TMED9: variants seen among roughly 807,000 people sequenced by gnomAD.
TMED9 encodes transmembrane emp24 domain-containing protein 9.
In TMED9, 22 loss-of-function variants were observed where a neutral mutation model predicts 30.6. The ratio of observed to expected loss-of-function variants is 0.72; its 90% CI spans 0.51 to 1.03. The LOEUF is 1.03. Among genes scored for constraint, TMED9 ranks in the 50% least tolerant of loss-of-function variants. The pLI is 0.00. For synonymous variants in TMED9, 146 were observed against 122.8 expected (o/e 1.19, Z -1.25); for missense variants, 251 against 302.1 (o/e 0.83, Z 1.25).
chr5:177,593,563 T>C, intron 2 of TMED9, 87 bp from the exon 3 acceptor site: 2 of 1,538,346 alleles, frequency 1.3e-6, no homozygotes, highest in Non-Finnish European at 1.8e-6. Context: ...GCCTGTCAAC[T>C]TTTGCAGTAC....
rs550488659 is a variant in TMED9 at position 177,595,132 on chromosome 5, C to T, written c.559-135C>T. Reference sequence around the variant, plus strand: ...GTTGCCTGAGGGTAAAGATAGTCCCCAGGTAGAGTGACACTTTGCAGGCAC... The same window carrying T: ...GTTGCCTGAGGGTAAAGATAGTCCCTAGGTAGAGTGACACTTTGCAGGCAC... On this transcript the variant is annotated intron_variant, in intron 4 of 4. Transcript: ENST00000332598. The T allele has an allele frequency of 9.1e-5, 83 of 910,320 alleles. No homozygotes were observed. The Middle Eastern group carries it at 1.4e-3, about 16-fold the overall frequency. 56.4% of individuals were successfully genotyped at this position (910,320 alleles called of 1,614,324 possible).
At chr5:177,593,465 C>A (rs1314188936) in intron 2 of TMED9, 185 bp from the exon 3 acceptor site, 1 of 673,034 alleles carries the variant, frequency 1.5e-6, no homozygotes, top group African/African-American at 1.8e-5. Flanking sequence ...AGTCTAAACA[C>A]CTGCCCCAGA....
At chr5:177,593,811 C>G (rs1276410567) in intron 3 of TMED9, 36 bp downstream of exon 3, 1 of 1,612,180 alleles carries the variant, frequency 6.2e-7, no homozygotes, top group Admixed American at 1.7e-5. Context: ...AGGTTTCAGC[C>G]TTCATCCTTT....
intron 4 of TMED9, 61 bp from the exon 5 acceptor site, chr5:177,595,206 C>A: frequency 6.8e-7 from 1 of 1,461,178 alleles, no homozygotes; most frequent in South Asian, 1.4e-5. Flanking sequence ...TCCTCTTGGT[C>A]TGGGAATCAG....
intron 2 of TMED9, chr5:177,593,415 G>A (rs959273531): frequency 2.8e-5 from 14 of 494,090 alleles, no homozygotes; most frequent in Non-Finnish European, 4.7e-5. Flanking sequence ...CCCTTCCCAA[G>A]AGCAGTCAGT....
Position 177,597,077 on chromosome 5 carries a change from A to G in TMED9, c.*1661A>G, listed in dbSNP as rs929349389. On this transcript the variant is annotated 3_prime_UTR_variant, in exon 5 of 5. Coordinates refer to ENST00000332598, the MANE Select transcript of TMED9 (RefSeq NM_017510.6). ...CTGCTTCCCCTAATGGGATGATGCA[A>G]TCTGGGCTCATGCTGCCAACTAATT... 6.6e-6 allele frequency among the ~76,000 whole-genome samples: 1 copy of G among 151,738 alleles called. No homozygotes were observed. The highest frequency in any genetic ancestry group is 2.4e-5 in the African/African-American group (1 of 41,252).
chr5:177,595,507 C>T lies in TMED9; in HGVS notation c.*91C>T. The stretch of plus-strand genomic sequence containing the variant: ...TTCTGTCAGGAGGACTGGTTTCCAG[C>T]CATACCTGTTCTGGAAGGGAGAGGG... On this transcript the variant is annotated 3_prime_UTR_variant, in exon 5 of 5. Transcript: ENST00000332598. 8 of 1,472,096 alleles carry T rather than the reference C, an allele frequency of 5.4e-6. No individual in the cohort carries two copies. The South Asian group carries it at 6.6e-5, about 12-fold the overall frequency. The allele number at this position is 1,472,096 out of a possible 1,614,324, so 91.2% of individuals were successfully genotyped here.
chr5:177,592,554 G>A (rs1273879942), intron 1 of TMED9, 21 bp from the exon 2 acceptor site: 1 of 1,605,220 alleles, frequency 6.2e-7, no homozygotes, highest in South Asian at 1.1e-5. Context: ...TCTGACCTGG[G>A]CTCGCCCTGC....
rs987356958 is a variant in TMED9 at position 177,594,229 on chromosome 5, G to A, written c.502G>A (p.Val168Met). Residue 168 changes from valine to methionine, a missense_variant, in exon 4 of 5, where the codon GTG becomes ATG. Val to Met is a conservative substitution (Grantham distance 21). Coordinates refer to ENST00000332598, the MANE Select transcript of TMED9 (RefSeq NM_017510.6). ...CAAGTTGAGTGAGTTGCAGCTACGA[G>A]TGCGACAGCTGGTGGAACAAGTGGA... Reference protein sequence around the residue: ...KDKLSELQLRVRQLVEQVEQI... With the variant: ...KDKLSELQLRMRQLVEQVEQI... 3 of 1,614,098 alleles carry A rather than the reference G, an allele frequency of 1.9e-6. No homozygotes were observed. Among genetic ancestry groups the A allele is most frequent in the African/African-American group, 1.3e-5 (1 of 74,934 alleles).
chr5:177,595,535 T>C lies in TMED9; in HGVS notation c.*119T>C, dbSNP rs747432853. On this transcript the variant is annotated 3_prime_UTR_variant, in exon 5 of 5. Transcript: ENST00000332598. ...TACCTGTTCTGGAAGGGAGAGGGGC[T>C]GGAGGCACCCACAGGCACAAGCTGA... 1.6e-6 allele frequency: 2 copies of C among 1,288,964 alleles called. No individual in the cohort carries two copies. Among genetic ancestry groups the C allele is most frequent in the Non-Finnish European group, 2.1e-6 (2 of 943,052 alleles). The allele number at this position is 1,288,964 out of a possible 1,614,324, so 79.8% of individuals were successfully genotyped here.
At position 177,592,315 on chromosome 5, in the gene TMED9, G is replaced by C. The variant is rs1330900041; in HGVS notation, c.101G>C (p.Arg34Pro). The change falls in exon 1 of 5, where the codon CGC becomes CCC. Residue 34 changes from arginine (R) to proline (P), a missense_variant. Arg to Pro is a moderately radical substitution (Grantham distance 103). Coordinates refer to ENST00000332598, the MANE Select transcript of TMED9 (RefSeq NM_017510.6). The stretch of plus-strand genomic sequence containing the variant: ...CTGCTGGTGCTGTGGCTGGCGACGC[G>C]CGGAAGCGCGCTCTACTTTCACATC... ...TLLLVLWLATRGSALYFHIGE... is the reference protein window; with the variant it reads ...TLLLVLWLATPGSALYFHIGE... 40 of 1,605,960 alleles carry C rather than the reference G, an allele frequency of 2.5e-5. No homozygotes were observed. The highest frequency in any genetic ancestry group is 3.3e-5 in the Non-Finnish European group (39 of 1,176,546).
Position 177,592,325 on chromosome 5 carries a change from G to T in TMED9, c.111G>T (p.Ala37=), listed in dbSNP as rs375888089. 3.7e-6 allele frequency: 6 copies of T among 1,605,888 alleles called. No homozygotes were observed. Among genetic ancestry groups the T allele is most frequent in the Non-Finnish European group, 5.1e-6 (6 of 1,176,500 alleles). The part of the protein sequence containing the change: ...LVLWLATRGS[A]LYFHIGETEK... Reference sequence around the variant, plus strand: ...TGTGGCTGGCGACGCGCGGAAGCGCGCTCTACTTTCACATCGGAGAGACGG... The same window carrying T: ...TGTGGCTGGCGACGCGCGGAAGCGCTCTCTACTTTCACATCGGAGAGACGG... The change falls in exon 1 of 5, where the codon GCG becomes GCT. Residue 37 remains alanine (A), a synonymous_variant. Coordinates refer to ENST00000332598, the MANE Select transcript of TMED9 (RefSeq NM_017510.6).
Position 177,592,343 on chromosome 5 carries a change from A to T in TMED9, c.129A>T (p.Gly43=). The change falls in exon 1 of 5, where the codon GGA becomes GGT. Residue 43 remains glycine, a synonymous_variant. Coordinates refer to ENST00000332598, the MANE Select transcript of TMED9 (RefSeq NM_017510.6). ...TRGSALYFHI[G]ETEKKCFIEE... The stretch of plus-strand genomic sequence containing the variant: ...GAAGCGCGCTCTACTTTCACATCGG[A>T]GAGACGGAGAAGAAGTGCTTTATTG... The T allele has an allele frequency of 6.2e-7, 1 of 1,605,818 alleles. No individual in the cohort carries two copies. Among genetic ancestry groups the T allele is most frequent in the South Asian group, 1.1e-5 (1 of 89,658 alleles).
chr5:177,592,233 G>T lies in TMED9; in HGVS notation c.19G>T (p.Val7Leu), dbSNP rs762663696. The T allele has an allele frequency of 1.2e-6, 2 of 1,607,960 alleles. No homozygotes were observed. Among genetic ancestry groups the T allele is most frequent in the South Asian group, 1.1e-5 (1 of 90,272 alleles). Reference protein sequence around the residue: MAVELGVLLVRPRPGTG... With the variant: MAVELGLLLVRPRPGTG... ...GAGCAAGATGGCTGTGGAGCTGGGC[G>T]TGCTGCTCGTCCGGCCCCGGCCCGG... The change falls in exon 1 of 5, where the codon GTG (valine) becomes TTG (leucine). Residue 7 changes from valine (V) to leucine (L), a missense_variant. Coordinates refer to ENST00000332598, the MANE Select transcript of TMED9 (RefSeq NM_017510.6).
At position 177,595,473 on chromosome 5, in the gene TMED9, A is replaced by T. The variant is rs1054820378; in HGVS notation, c.*57A>T. The T allele has an allele frequency of 2.1e-5, 32 of 1,546,426 alleles. No individual in the cohort carries two copies. In the African/African-American group the frequency reaches 3.5e-4, roughly 17 times the overall value. On this transcript the variant is annotated 3_prime_UTR_variant, in exon 5 of 5. Coordinates refer to ENST00000332598, the MANE Select transcript of TMED9 (RefSeq NM_017510.6). Reference sequence around the variant, plus strand: ...GCTGGGGGAGAAAGGACCTCCTGGAACTGACTTCTTCTGTCAGGAGGACTG... The same window carrying T: ...GCTGGGGGAGAAAGGACCTCCTGGATCTGACTTCTTCTGTCAGGAGGACTG...
rs1767609313 is a variant in TMED9, at chr5:177,592,591, G to C, written c.201G>C (p.Gln67His). The change falls in exon 2 of 5, where the codon CAG becomes CAC. Residue 67 changes from glutamine (Q) to histidine (H), a missense_variant. Gln to His is a conservative substitution (Grantham distance 24). Coordinates refer to ENST00000332598, the MANE Select transcript of TMED9 (RefSeq NM_017510.6). ...ETMVIGNYRT[Q>H]LYDKQREEYQ... ...TCCCTCAAGGAAACTACCGGACGCAGCTGTATGACAAGCAGCGGGAGGAGT... is the reference window on the plus strand; with the variant it reads ...TCCCTCAAGGAAACTACCGGACGCACCTGTATGACAAGCAGCGGGAGGAGT... 1.2e-6 allele frequency: 2 copies of C among 1,613,452 alleles called. No homozygotes were observed. Among genetic ancestry groups the C allele is most frequent in the Non-Finnish European group, 1.7e-6 (2 of 1,179,806 alleles).
rs370667269 is a variant in TMED9 at position 177,595,350 on chromosome 5, C to T, written c.642C>T (p.Leu214=). The T allele has an allele frequency of 1.3e-5, 21 of 1,613,082 alleles. No homozygotes were observed. Among genetic ancestry groups the T allele is most frequent in the South Asian group, 5.5e-5 (5 of 90,994 alleles). ...GGTCCATTCTGCAGACCCTCATCCT[C>T]GTGGCCATCGGTGTCTGGCAGATGC... ...LWWSILQTLI[L]VAIGVWQMRH... The change falls in exon 5 of 5, where the codon CTC becomes CTT. Residue 214 remains leucine, a synonymous_variant. Transcript: ENST00000332598.
rs1345036339 is a variant in TMED9, at chr5:177,596,182, C to T, written c.*766C>T. 3 of 152,522 alleles carry T rather than the reference C, an allele frequency of 2.0e-5. No individual in the cohort carries two copies. The highest frequency in any genetic ancestry group is 2.9e-5 in the Non-Finnish European group (2 of 68,062). The allele number at this position is 152,522 out of a possible 1,614,324, so 9.4% of individuals were successfully genotyped here. A position where few individuals can be genotyped will look rare whatever the true frequency, so the allele number is the denominator to read the frequency against. The stretch of plus-strand genomic sequence containing the variant: ...CAGGGTGCCTCAGGGAATGCCAGTT[C>T]TTCCAAAGAGCAAAGCACTTCACAT... On this transcript the variant is annotated 3_prime_UTR_variant, in exon 5 of 5. Transcript: ENST00000332598.
chr5:177,593,921 C>T, intron 3 of TMED9, 146 bp downstream of exon 3: 2 of 1,288,276 alleles, frequency 1.6e-6, no homozygotes, highest in Admixed American at 4.1e-5. Flanking sequence ...GTCCAGGACA[C>T]AGTGACTGAG....
Sources: allele counts gnomAD v4.1 joint callset (sites outside exome capture counted in the v4.1 genomes callset), GRCh38; gene constraint gnomAD v4.1.1; transcripts MANE v1.5; gene names NCBI Gene and HGNC (gene_info 2026-07-23, HGNC 2026-07-21).